The following CAST variants were observed in gnomAD, a reference collection of about 807,000 sequenced individuals.
The protein encoded by CAST is MIR583 host.
A neutral mutation model predicts 119.6 loss-of-function variants in CAST; 76 were observed. The observed-to-expected ratio is 0.64, with a 90% CI of 0.53 to 0.77. The LOEUF (loss-of-function observed/expected upper bound fraction) is 0.77. CAST is among the 30% of genes least tolerant of loss of function. CAST has a pLI of 0.00. For missense variants in CAST, 953 were observed against 946.5 expected (o/e 1.01, Z -0.09); for synonymous variants, 319 against 331.6 (o/e 0.96, Z 0.41).
At chr5:96,150,830 C>G in the CAST span, among the ~76,000 whole-genome samples, 1 of 152,128 alleles carries the variant, frequency 6.6e-6, no homozygotes, top group East Asian at 1.9e-4. Context: ...CTGAAAACCC[C>G]ATAAAGAGCA....
chr5:96,583,450 C>G (rs1746800987), intron 1 of CAST, among the ~76,000 whole-genome samples: 1 of 152,098 alleles, frequency 6.6e-6, no homozygotes, highest in Non-Finnish European at 1.5e-5. Flanking sequence ...CACATATGTT[C>G]AAATTCTAGA....
the CAST span, among the ~76,000 whole-genome samples, chr5:96,101,816 G>A: frequency 3.9e-5 from 6 of 152,326 alleles, no homozygotes; most frequent in Non-Finnish European, 7.4e-5. Flanking sequence ...GAAGGAGTGT[G>A]TAAGCGAGTG....
At chr5:96,225,358 T>G in the CAST span, among the ~76,000 whole-genome samples, 1 of 152,134 alleles carries the variant, frequency 6.6e-6, no homozygotes. Context: ...ATATACACAT[T>G]AGCAGTTTTG....
the CAST span, among the ~76,000 whole-genome samples, chr5:96,147,603 A>AAAAACAAAACAAAAC: frequency 9.3e-4 from 142 of 151,944 alleles, no homozygotes; most frequent in Admixed American, 1.9e-3. Context: ...ACTCCGTCTC[A>AAAAACAAAACAAAAC]AAAACAAAAC....
At chr5:96,138,475 A>T in the CAST span, among the ~76,000 whole-genome samples, 1 of 151,962 alleles carries the variant, frequency 6.6e-6, no homozygotes, top group Non-Finnish European at 1.5e-5. Context: ...GCCTTACCAT[A>T]TACACTGTAG....
Position 96,729,685 on chromosome 5 carries a change from C to T in CAST, c.509C>T (p.Ser170Leu). 1 of 1,580,038 alleles carries T rather than the reference C, an allele frequency of 6.3e-7. No individual in the cohort carries two copies. Among genetic ancestry groups the T allele is most frequent in the Non-Finnish European group, 8.7e-7 (1 of 1,149,040 alleles). ...CACAATAAAAAAGCAGTTTCCAGAT[C>T]AGCTGAACAGCAGCCATCAGAGAAA... ...DAHNKKAVSR[S>L]AEQQPSEKST... The change falls in exon 8 of 32, where the codon TCA becomes TTA. Residue 170 changes from serine to leucine, a missense_variant. By Grantham distance (145) the Ser-to-Leu change is moderately radical. Transcript: ENST00000675179.
At chr5:96,412,650 A>G in the CAST span, among the ~76,000 whole-genome samples, 3 of 151,870 alleles carry the variant, frequency 2.0e-5, no homozygotes, top group Non-Finnish European at 4.4e-5. Flanking sequence ...CCAGCTACTG[A>G]CACCACAGAA....
the CAST span, chr5:96,432,981 G>T: frequency 1.2e-5 from 20 of 1,614,180 alleles, no homozygotes; most frequent in Non-Finnish European, 1.7e-5. Flanking sequence ...ACTGTTCAGT[G>T]CACACCAAGC....
At chr5:96,265,565 C>T in the CAST span, among the ~76,000 whole-genome samples, 2 of 152,056 alleles carry the variant, frequency 1.3e-5, no homozygotes, top group African/African-American at 4.8e-5. Context: ...CTTCCTCTAC[C>T]TTTTTGTTCT....
At chr5:96,194,677 C>T in the CAST span, among the ~76,000 whole-genome samples, 1 of 152,174 alleles carries the variant, frequency 6.6e-6, no homozygotes, top group African/African-American at 2.4e-5. Flanking sequence ...TGGAGCAGGA[C>T]ATGATATAGA....
chr5:96,217,204 ATTT>A, the CAST span, among the ~76,000 whole-genome samples: 363 of 97,026 alleles, frequency 3.7e-3, 3 homozygotes, highest in African/African-American at 0.014. Flanking sequence ...ATGCTAGCTA[ATTT>A]TTTTTTTTTT....
the CAST span, among the ~76,000 whole-genome samples, chr5:96,120,179 A>G: frequency 6.6e-6 from 1 of 152,110 alleles, no homozygotes; most frequent in African/African-American, 2.4e-5. Flanking sequence ...CACTGAGGGC[A>G]GTCCTGAGGA....
chr5:96,537,398 G>A (rs1223915208), intron 1 of CAST, among the ~76,000 whole-genome samples: 2 of 152,112 alleles, frequency 1.3e-5, no homozygotes, highest in Non-Finnish European at 2.9e-5. Context: ...AGCTTTCCAA[G>A]TACTCTCTGT....
chr5:96,259,303 A>C, the CAST span, among the ~76,000 whole-genome samples: 1 of 152,248 alleles, frequency 6.6e-6, no homozygotes, highest in Admixed American at 6.5e-5. Context: ...AGAAGACAGC[A>C]AAGCACTGAC....
chr5:96,500,627 C>G, the CAST span, among the ~76,000 whole-genome samples: 1 of 152,174 alleles, frequency 6.6e-6, no homozygotes, highest in South Asian at 2.1e-4. Context: ...GTGCAATCAC[C>G]TCCAAACACA....
At chr5:96,755,471 C>T (rs1412064102) in intron 22 of CAST, among the ~76,000 whole-genome samples, 1 of 152,130 alleles carries the variant, frequency 6.6e-6, no homozygotes, top group Non-Finnish European at 1.5e-5. Context: ...TAAGTTGCCC[C>T]ATTTCTTCTA....
At chr5:96,169,320 C>G in the CAST span, among the ~76,000 whole-genome samples, 1 of 152,040 alleles carries the variant, frequency 6.6e-6, no homozygotes, top group South Asian at 2.1e-4. Flanking sequence ...CAACTGAAAG[C>G]GAAGAGAGGC....
intron 1 of CAST, among the ~76,000 whole-genome samples, chr5:96,653,168 G>A (rs1748115857): frequency 6.6e-6 from 1 of 152,206 alleles, no homozygotes; most frequent in African/African-American, 2.4e-5. Context: ...CCTCAGGGTG[G>A]GATCAGACCT....
the CAST span, among the ~76,000 whole-genome samples, chr5:96,017,821 G>T: frequency 6.6e-6 from 1 of 152,100 alleles, no homozygotes; most frequent in Admixed American, 6.5e-5. Flanking sequence ...GGTGCATCAA[G>T]ATATATGAAG....
Sources: allele counts gnomAD v4.1 joint callset (sites outside exome capture counted in the v4.1 genomes callset), GRCh38; gene constraint gnomAD v4.1.1; transcripts MANE v1.5; gene names NCBI Gene and HGNC (gene_info 2026-07-23, HGNC 2026-07-21).